The following MYT1L variants were observed in gnomAD, a reference collection of about 807,000 sequenced individuals.
MYT1L encodes myelin transcription factor 1-like protein.
In MYT1L, 12 loss-of-function variants were observed where a neutral mutation model predicts 126.7. The ratio of observed to expected loss-of-function variants is 0.09; its 90% CI spans 0.06 to 0.15. MYT1L has a LOEUF of 0.15. Ranked by LOEUF, MYT1L falls within the 10% of genes least tolerant of loss-of-function variation. The pLI is 1.00. For synonymous variants in MYT1L, 541 were observed against 604.2 expected (o/e 0.90, Z 1.53); for missense variants, 979 against 1,585.2 (o/e 0.62, Z 6.49).
At position 2,295,593 on chromosome 2, in the gene MYT1L, C is replaced by CAGAGAGAG. The variant is rs376553600; in HGVS notation, c.-520-11098_-520-11091dup. ...AGAGAGAGAGAGAGAGACAGACAGA[C>CAGAGAGAG]AGAGAGAGAGACAGACAGAGAGAGA... On this transcript the variant is annotated intron_variant, in intron 1 of 24. Transcript: ENST00000647738. 2.4e-3 allele frequency among the ~76,000 whole-genome samples: 49 copies of CAGAGAGAG among 20,786 alleles called. 1 individual carries two copies. The highest frequency in any genetic ancestry group is 3.7e-3 in the Non-Finnish European group (40 of 10,896). 13.6% of individuals were successfully genotyped at this position (20,786 alleles called of 152,430 possible). A position where few individuals can be genotyped will look rare whatever the true frequency, so the allele number is the denominator to read the frequency against.
chr2:2,036,909 C>T (rs895653791), intron 4 of MYT1L, among the ~76,000 whole-genome samples: 1 of 152,214 alleles, frequency 6.6e-6, no homozygotes, highest in Non-Finnish European at 1.5e-5. Flanking sequence ...CCCTGCAGGA[C>T]ATGGCTCCTT....
intron 3 of MYT1L, among the ~76,000 whole-genome samples, chr2:2,057,665 G>A (rs1574882876): frequency 6.6e-6 from 1 of 152,256 alleles, no homozygotes; most frequent in African/African-American, 2.4e-5. Context: ...CTGTCGTTTT[G>A]TTATTTCAAG....
chr2:1,803,981 G>A (rs984221984), intron 22 of MYT1L, among the ~76,000 whole-genome samples: 2 of 152,220 alleles, frequency 1.3e-5, no homozygotes, highest in African/African-American at 4.8e-5. Flanking sequence ...GGAGAGGAGA[G>A]CTCTGGGTTG....
At chr2:2,046,244 A>C (rs552956534) in intron 4 of MYT1L, among the ~76,000 whole-genome samples, 1 of 152,214 alleles carries the variant, frequency 6.6e-6, no homozygotes, top group African/African-American at 2.4e-5. Context: ...GTATACATAC[A>C]TGCTTTTTAT....
chr2:2,253,886 A>G (rs1394971371), intron 2 of MYT1L, among the ~76,000 whole-genome samples: 2 of 152,230 alleles, frequency 1.3e-5, no homozygotes, highest in Non-Finnish European at 2.9e-5. Context: ...GCCTTCAGCG[A>G]GACTGTGAAT....
At position 1,791,827 on chromosome 2, in the gene MYT1L, C is replaced by T; in HGVS notation, c.*40G>A. On this transcript the variant is annotated 3_prime_UTR_variant, in exon 25 of 25. Coordinates refer to ENST00000647738, the MANE Select transcript of MYT1L (RefSeq NM_001303052.2). This position sits in a 1 kb window ranked among gnomAD's most constrained non-coding sequence, Gnocchi z 6.0. ...AGTTACAGCAGCAAAAAACAAGAGG[C>T]ATCCTTTTTAAGCAAGAGTTTCATC... 1 of 1,511,530 alleles carries T rather than the reference C, an allele frequency of 6.6e-7. No individual in the cohort carries two copies. Among genetic ancestry groups the T allele is most frequent in the Non-Finnish European group, 8.8e-7 (1 of 1,134,792 alleles). 93.6% of individuals were successfully genotyped at this position (1,511,530 alleles called of 1,614,324 possible).
At chr2:2,188,308 C>T (rs1289043399) in intron 2 of MYT1L, among the ~76,000 whole-genome samples, 1 of 152,138 alleles carries the variant, frequency 6.6e-6, no homozygotes, top group Non-Finnish European at 1.5e-5. Context: ...AACGATTCTG[C>T]TATTTGGTGG....
chr2:2,218,958 T>C (rs2093772957), intron 2 of MYT1L, among the ~76,000 whole-genome samples: 1 of 152,194 alleles, frequency 6.6e-6, no homozygotes, highest in African/African-American at 2.4e-5. Flanking sequence ...GACAGAGCCT[T>C]TCATTCCATC....
At chr2:1,961,868 G>A (rs150199180) in intron 8 of MYT1L, among the ~76,000 whole-genome samples, 3,217 of 152,268 alleles carry the variant, frequency 0.021, 55 homozygotes, top group Non-Finnish European at 0.031. Context: ...TTTGACAGAA[G>A]AAATATGAAC....
intron 3 of MYT1L, among the ~76,000 whole-genome samples, chr2:2,140,005 A>G (rs140323485): frequency 3.9e-4 from 60 of 152,364 alleles, no homozygotes; most frequent in South Asian, 1.7e-3. Context: ...ACAACATGAT[A>G]TATCACATAA....
chr2:1,797,422 G>A (rs542521590), intron 23 of MYT1L, among the ~76,000 whole-genome samples: 7 of 152,242 alleles, frequency 4.6e-5, no homozygotes, highest in South Asian at 2.1e-4. Flanking sequence ...GGGTTTCACC[G>A]TGTTAGCCAG....
rs1035862195 is a variant in MYT1L, at chr2:1,887,674, G to T, written c.2521-65C>A. ...ACATGGCACACAGACTGAGGGAGGT[G>T]GTTCGTGGCTCTGGGGTGGCCTCTA... On this transcript the variant is annotated intron_variant, in intron 16 of 24. Transcript: ENST00000647738. The surrounding 1 kb of genome is among the most constrained non-coding windows in gnomAD (Gnocchi z 4.8). 1.7e-5 allele frequency: 28 copies of T among 1,607,500 alleles called. No homozygotes were observed. Among genetic ancestry groups the T allele is most frequent in the Non-Finnish European group, 2.1e-5 (25 of 1,175,478 alleles).
chr2:1,931,148 G>C (rs937235991), intron 9 of MYT1L, among the ~76,000 whole-genome samples: 1 of 152,202 alleles, frequency 6.6e-6, no homozygotes, highest in Non-Finnish European at 1.5e-5. Context: ...GAGGAGAAGG[G>C]TGGGGCCGGC....
intron 18 of MYT1L, among the ~76,000 whole-genome samples, chr2:1,878,855 G>A (rs565018757): frequency 6.6e-6 from 1 of 152,254 alleles, no homozygotes; most frequent in African/African-American, 2.4e-5. Flanking sequence ...GGAGGTAGAC[G>A]AGATGTCTCC....
rs566130273 is a variant in MYT1L at position 2,060,646 on chromosome 2, G to A, written c.-303-6523C>T. Among the ~76,000 whole-genome samples, 79 of 150,280 alleles carry A rather than the reference G, an allele frequency of 5.3e-4. 2 individuals carry two copies. In the South Asian group the frequency reaches 5.6e-3, roughly 11 times the overall value. ...CACTTTTTCTCTCCTTTCTTCTCTC[G>A]CTGTCTCTCTCCCTGTCTCCCTCCC... On this transcript the variant is annotated intron_variant, in intron 3 of 24. Coordinates refer to ENST00000647738, the MANE Select transcript of MYT1L (RefSeq NM_001303052.2).
intron 3 of MYT1L, among the ~76,000 whole-genome samples, chr2:2,135,902 C>G (rs2082987264): frequency 6.6e-6 from 1 of 152,172 alleles, no homozygotes; most frequent in Non-Finnish European, 1.5e-5. Flanking sequence ...AGAAAACGTT[C>G]TACTATAAAG....
intron 18 of MYT1L, among the ~76,000 whole-genome samples, chr2:1,864,226 G>A (rs554539898): frequency 1.3e-5 from 2 of 152,258 alleles, no homozygotes; most frequent in East Asian, 3.9e-4. Context: ...CTAGTGTGAG[G>A]GCCATGTGGT....
chr2:1,813,988 C>T (rs1369501170), intron 21 of MYT1L, among the ~76,000 whole-genome samples: 7 of 137,320 alleles, frequency 5.1e-5, no homozygotes, highest in African/African-American at 1.9e-4. Flanking sequence ...GATCGCGCCA[C>T]TGCACTCCAG....
intron 1 of MYT1L, among the ~76,000 whole-genome samples, chr2:2,320,763 C>T (rs1452547216): frequency 1.3e-5 from 2 of 152,190 alleles, no homozygotes; most frequent in African/African-American, 4.8e-5. Context: ...TGGTCTCTGT[C>T]TCATGAAGGA....
Sources: allele counts gnomAD v4.1 joint callset (sites outside exome capture counted in the v4.1 genomes callset), GRCh38; gene constraint gnomAD v4.1.1; non-coding constraint Gnocchi (gnomAD v3.1); transcripts MANE v1.5; gene names NCBI Gene and HGNC (gene_info 2026-07-23, HGNC 2026-07-21).